MTNR1B: variants seen among roughly 807,000 people sequenced by gnomAD.
The protein encoded by MTNR1B is melatonin receptor 1B.
A neutral mutation model predicts 7.0 loss-of-function variants in MTNR1B; 7 were observed. The observed-to-expected ratio is 1.00, with a 90% CI of 0.57 to 1.88. The LOEUF (loss-of-function observed/expected upper bound fraction) is 1.88. MTNR1B is among the 40% of genes most tolerant of loss of function. The pLI is 0.00. For missense variants in MTNR1B, 478 were observed against 486.5 expected, an observed-to-expected ratio of 0.98 and a Z score of 0.16; for synonymous variants, 226 against 208.2, an observed-to-expected ratio of 1.09 and a Z score of -0.74.
chr11:92,978,436 A>T (rs1294008119), intron 1 of MTNR1B, among the ~76,000 whole-genome samples: 1 of 152,180 alleles, frequency 6.6e-6, no homozygotes, highest in Admixed American at 6.5e-5. Context: ...CTGGAGGCAG[A>T]TGGAAACGAG....
Position 92,969,870 on chromosome 11 carries a change from G to C in MTNR1B, c.145G>C (p.Val49Leu). The C allele has an allele frequency of 1.2e-6, 2 of 1,611,736 alleles. No individual in the cohort carries two copies. The highest frequency in any genetic ancestry group is 1.7e-6 in the Non-Finnish European group (2 of 1,179,518). ...VAPALSAVLI[V>L]TTAVDVVGNL... ...TCCAGCGCTGTCCGCGGTGCTCATC[G>C]TCACCACCGCCGTGGACGTCGTGGG... The change falls in exon 1 of 2, where the codon GTC becomes CTC. Residue 49 changes from valine (V) to leucine (L), a missense_variant. Val to Leu is a conservative substitution (Grantham distance 32). Coordinates refer to ENST00000257068, the MANE Select transcript of MTNR1B (RefSeq NM_005959.5).
chr11:92,972,649 C>T, intron 1 of MTNR1B: 1 of 421,502 alleles, frequency 2.4e-6, no homozygotes, highest in Non-Finnish European at 4.8e-6. Flanking sequence ...CAGCCCATGG[C>T]ACTGGGTTGG....
At chr11:92,977,558 T>C (rs1478530974) in intron 1 of MTNR1B, among the ~76,000 whole-genome samples, 1 of 152,268 alleles carries the variant, frequency 6.6e-6, no homozygotes, top group African/African-American at 2.4e-5. Flanking sequence ...TAATTTTGTG[T>C]AGCTCCTTGG....
At chr11:92,984,939 G>A (rs373434412), downstream of MTNR1B, 103 of 456,102 alleles carry the variant, frequency 2.3e-4, no homozygotes, top group East Asian at 5.6e-3. Flanking sequence ...ATGCTTTTGC[G>A]GAAACAGCAA....
rs753435818 is a variant in MTNR1B at position 92,969,839 on chromosome 11, G to C, written c.114G>C (p.Trp38Cys). Residue 38 changes from tryptophan (W) to cysteine (C), a missense_variant, in exon 1 of 2, where the codon TGG (tryptophan) becomes TGC (cysteine). By Grantham distance (215) the Trp-to-Cys change is radical. Coordinates refer to ENST00000257068, the MANE Select transcript of MTNR1B (RefSeq NM_005959.5). Reference protein sequence around the residue: ...ARPSRTPRPPWVAPALSAVLI... With the variant: ...ARPSRTPRPPCVAPALSAVLI... ...CCTCCAGGACCCCTCGACCTCCCTG[G>C]GTGGCTCCAGCGCTGTCCGCGGTGC... The C allele has an allele frequency of 6.2e-7, 1 of 1,607,356 alleles. No homozygotes were observed. The highest frequency in any genetic ancestry group is 8.5e-7 in the Non-Finnish European group (1 of 1,177,990).
Position 92,969,784 on chromosome 11 carries a change from C to A in MTNR1B, c.59C>A (p.Pro20Gln). ...GAGGCGGGCGGGTGGGCAGTGCGCC[C>A]GGGCTGGTCGGGGGCTGGCAGCGCG... ...CCEAGGWAVR[P>Q]GWSGAGSARP... Residue 20 changes from proline (P) to glutamine (Q), a missense_variant, in exon 1 of 2, where the codon CCG (proline) becomes CAG (glutamine). Coordinates refer to ENST00000257068, the MANE Select transcript of MTNR1B (RefSeq NM_005959.5). 6.5e-7 allele frequency: 1 copy of A among 1,544,562 alleles called. No homozygotes were observed.
chr11:92,984,322 G>A (rs1261915919), downstream of MTNR1B, among the ~76,000 whole-genome samples: 6 of 152,162 alleles, frequency 3.9e-5, no homozygotes, highest in Non-Finnish European at 8.8e-5. Context: ...CTAGGAATCT[G>A]ATTCCAATAC....
chr11:92,976,616 C>A (rs1858012442), intron 1 of MTNR1B, among the ~76,000 whole-genome samples: 3 of 152,160 alleles, frequency 2.0e-5, no homozygotes, highest in Admixed American at 2.0e-4. Flanking sequence ...ACTGATAGAG[C>A]AATCTCCAGG....
chr11:92,982,988 C>T (rs1858144113), downstream of MTNR1B, among the ~76,000 whole-genome samples: 1 of 136,906 alleles, frequency 7.3e-6, no homozygotes, highest in African/African-American at 2.7e-5. Flanking sequence ...GCATCTGGAG[C>T]ACAAAGTCCG....
intron 1 of MTNR1B, among the ~76,000 whole-genome samples, chr11:92,979,010 T>A (rs1222578365): frequency 6.6e-6 from 1 of 152,148 alleles, no homozygotes; most frequent in Non-Finnish European, 1.5e-5. Context: ...CTTCCTGTGC[T>A]GGAGAGAAGT....
At chr11:92,977,330 AGCTTACAATAAAT>A (rs1444522104) in intron 1 of MTNR1B, among the ~76,000 whole-genome samples, 1 of 152,248 alleles carries the variant, frequency 6.6e-6, no homozygotes, top group East Asian at 1.9e-4. Flanking sequence ...TCTAATTACA[AGCTTACAATAAAT>A]GCATTGTTTT....
chr11:92,981,414 T>A lies in MTNR1B; in HGVS notation c.224-33T>A, dbSNP rs1020242351. 10 of 1,591,180 alleles carry A rather than the reference T, an allele frequency of 6.3e-6. No homozygotes were observed. In the African/African-American group the frequency reaches 1.3e-4, roughly 21 times the overall value. The stretch of plus-strand genomic sequence containing the variant: ...TCTACAGAATCTAAGTCGTGGGGTC[T>A]CGTGCTGACTGTTGCTCTGTTTGCT... On this transcript the variant is annotated intron_variant, in intron 1 of 1. Coordinates refer to ENST00000257068, the MANE Select transcript of MTNR1B (RefSeq NM_005959.5).
chr11:92,980,257 T>C (rs1361516678), intron 1 of MTNR1B, among the ~76,000 whole-genome samples: 3 of 152,264 alleles, frequency 2.0e-5, no homozygotes, highest in South Asian at 4.1e-4. Flanking sequence ...GACCAGAAAA[T>C]TTAAAATACC....
intron 1 of MTNR1B, among the ~76,000 whole-genome samples, chr11:92,970,551 C>T (rs370363815): frequency 5.9e-5 from 9 of 152,096 alleles, no homozygotes; most frequent in South Asian, 4.1e-4. Flanking sequence ...TGGTCTTTTC[C>T]GAAGACTGGG....
chr11:92,976,914 A>T (rs536526879), intron 1 of MTNR1B, among the ~76,000 whole-genome samples: 5 of 152,300 alleles, frequency 3.3e-5, no homozygotes, highest in African/African-American at 1.2e-4. Context: ...AACCTTAAGG[A>T]ATTCTTGTGA....
rs764224067 is a variant in MTNR1B, at chr11:92,969,752, C to T, written c.27C>T (p.Asn9=). Residue 9 remains asparagine (N), a synonymous_variant, in exon 1 of 2, where the codon AAC becomes AAT. Coordinates refer to ENST00000257068, the MANE Select transcript of MTNR1B (RefSeq NM_005959.5). MSENGSFA[N]CCEAGGWAVR... Reference sequence around the variant, plus strand: ...TGTCAGAGAACGGCTCCTTCGCCAACTGCTGCGAGGCGGGCGGGTGGGCAG... The same window carrying T: ...TGTCAGAGAACGGCTCCTTCGCCAATTGCTGCGAGGCGGGCGGGTGGGCAG... 3.0e-5 allele frequency: 45 copies of T among 1,498,454 alleles called. No homozygotes were observed. Among genetic ancestry groups the T allele is most frequent in the Non-Finnish European group, 3.5e-5 (39 of 1,122,028 alleles). The allele number at this position is 1,498,454 out of a possible 1,614,324, so 92.8% of individuals were successfully genotyped here.
At position 92,981,848 on chromosome 11, in the gene MTNR1B, TTCC is replaced by T; in HGVS notation, c.632_634del (p.Leu211del). On this transcript the variant is annotated inframe_deletion, in exon 2 of 2. Coordinates refer to ENST00000257068, the MANE Select transcript of MTNR1B (RefSeq NM_005959.5). Reference sequence around the variant, plus strand: ...CACGGCGGCAGTGGTGGTCATCCACTTCCTCCTCCCTATCGCTGTCGTGTCCTT... The same window carrying T: ...CACGGCGGCAGTGGTGGTCATCCACTTCCTCCCTATCGCTGTCGTGTCCTT... The T allele has an allele frequency of 6.2e-7, 1 of 1,614,218 alleles. No homozygotes were observed. Among genetic ancestry groups the T allele is most frequent in the Non-Finnish European group, 8.5e-7 (1 of 1,180,046 alleles).
chr11:92,972,944 TC>T (rs1857956135), intron 1 of MTNR1B, among the ~76,000 whole-genome samples: 1 of 152,116 alleles, frequency 6.6e-6, no homozygotes, highest in Non-Finnish European at 1.5e-5. Context: ...CCTCTCTCCC[TC>T]CCTTTTCAGC....
Position 92,969,968 on chromosome 11 carries a change from C to G in MTNR1B, c.223+20C>G. ...ACGCAGGTGAGCACCATTCCTGATG[C>G]TGGGTGCTGGCATCGGGCCCTTCCT... On this transcript the variant is annotated intron_variant, in intron 1 of 1. Transcript: ENST00000257068. 2.5e-6 allele frequency: 4 copies of G among 1,590,306 alleles called. No homozygotes were observed. Among genetic ancestry groups the G allele is most frequent in the Non-Finnish European group, 3.4e-6 (4 of 1,166,650 alleles).
Sources: allele counts gnomAD v4.1 joint callset (sites outside exome capture counted in the v4.1 genomes callset), GRCh38; gene constraint gnomAD v4.1.1; transcripts MANE v1.5; gene names NCBI Gene and HGNC (gene_info 2026-07-23, HGNC 2026-07-21).